Variants in ZNF644 observed in about 807,000 individuals in gnomAD.
The protein encoded by ZNF644 is zinc finger motif enhancer binding protein 2.
ZNF644 carries 20 observed loss-of-function variants against 108.0 expected under a neutral mutation model. That is an observed-to-expected ratio of 0.19 (90% CI 0.13 to 0.27). ZNF644 has a LOEUF of 0.27. ZNF644 is among the 10% of genes least tolerant of loss of function. The pLI, the probability that ZNF644 is intolerant of heterozygous loss-of-function variation, is 1.00. For missense variants in ZNF644, 1,338 were observed against 1,548.9 expected (o/e 0.86, Z 2.29); for synonymous variants, 542 against 539.1 (o/e 1.01, Z -0.08).
At chr1:90,935,409 T>C in intron 4 of ZNF644, 1 of 985,902 alleles carries the variant, frequency 1.0e-6, no homozygotes, top group Non-Finnish European at 1.2e-6. Context: ...CAAACATACC[T>C]GTACCAGTCA....
chr1:90,981,387 A>G lies in ZNF644; in HGVS notation c.44+923T>C, dbSNP rs1281395762. Among the ~76,000 whole-genome samples, 3 of 152,084 alleles carry G rather than the reference A, an allele frequency of 2.0e-5. No homozygotes were observed. In the South Asian group the frequency reaches 6.2e-4, roughly 31 times the overall value. On this transcript the variant is annotated intron_variant, in intron 2 of 5. Coordinates refer to ENST00000337393, the MANE Select transcript of ZNF644 (RefSeq NM_201269.3). ...GTTATTATTATATAATAGCAATAAA[A>G]GCAAAATTTTGCTTCAAAACATGCC...
chr1:90,954,979 T>A (rs1653601000), intron 2 of ZNF644, among the ~76,000 whole-genome samples: 1 of 152,232 alleles, frequency 6.6e-6, no homozygotes, highest in Admixed American at 6.5e-5. Flanking sequence ...TGTAGCCTTA[T>A]GAAATGTACT....
chr1:90,970,191 A>T (rs537939179), intron 2 of ZNF644, among the ~76,000 whole-genome samples: 8 of 152,368 alleles, frequency 5.3e-5, no homozygotes, highest in African/African-American at 1.7e-4. Flanking sequence ...AATTTCCTTA[A>T]GTAAACAACT....
rs148307829 is a variant in ZNF644, at chr1:90,940,814, A to G, written c.540T>C (p.Asp180=). The change falls in exon 3 of 6, where the codon GAT becomes GAC. Residue 180 remains aspartate, a synonymous_variant. Coordinates refer to ENST00000337393, the MANE Select transcript of ZNF644 (RefSeq NM_201269.3). ...GGGTGGGATTCTTAGCATGTGCTACATCTGATAACAAAAATAAAACTTGGT... is the reference window on the plus strand; with the variant it reads ...GGGTGGGATTCTTAGCATGTGCTACGTCTGATAACAAAAATAAAACTTGGT... ...SQHQVLFLLS[D]VAHAKNPTHS... 3.5e-5 allele frequency: 57 copies of G among 1,613,916 alleles called. No homozygotes were observed. In the African/African-American group the frequency reaches 7.1e-4, roughly 20 times the overall value.
At chr1:90,993,235 CTCATCTGCT>C (rs1322384178) in intron 1 of ZNF644, among the ~76,000 whole-genome samples, 3 of 151,896 alleles carry the variant, frequency 2.0e-5, no homozygotes, top group Non-Finnish European at 4.4e-5. Flanking sequence ...CAAGCCAACT[CTCATCTGCT>C]TCAGAATGGG....
chr1:90,994,812 A>G (rs963257892), intron 1 of ZNF644, among the ~76,000 whole-genome samples: 1 of 152,218 alleles, frequency 6.6e-6, no homozygotes, highest in South Asian at 2.1e-4. Flanking sequence ...TCTCTGGGTA[A>G]CAACCAACTT....
chr1:91,017,447 C>A (rs1031971014), intron 1 of ZNF644, among the ~76,000 whole-genome samples: 2 of 152,298 alleles, frequency 1.3e-5, no homozygotes, highest in East Asian at 3.9e-4. Context: ...TTTCTCCCAA[C>A]CAAGAGAAGT....
intron 1 of ZNF644, among the ~76,000 whole-genome samples, chr1:91,016,007 C>T (rs1236669544): frequency 1.3e-5 from 2 of 152,170 alleles, no homozygotes; most frequent in Non-Finnish European, 2.9e-5. Context: ...GCTCACACAG[C>T]TAAATCTGAA....
intron 1 of ZNF644, among the ~76,000 whole-genome samples, chr1:90,982,922 G>A (rs1229458135): frequency 2.0e-5 from 3 of 151,908 alleles, no homozygotes; most frequent in Non-Finnish European, 4.4e-5. Flanking sequence ...AGAATAGAAT[G>A]TATCAATACT....
intron 2 of ZNF644, among the ~76,000 whole-genome samples, chr1:90,971,293 T>A (rs374694660): frequency 9.6e-5 from 14 of 145,814 alleles, no homozygotes; most frequent in East Asian, 6.0e-4. Flanking sequence ...CCCATGACCA[T>A]CACAATTGAT....
chr1:90,981,362 GTTATTA>G (rs1008749695), intron 2 of ZNF644, among the ~76,000 whole-genome samples: 1 of 151,988 alleles, frequency 6.6e-6, no homozygotes, highest in African/African-American at 2.4e-5. Flanking sequence ...TACCACTACT[GTTATTA>G]TTATATAATA....
chr1:90,937,382 C>G, intron 4 of ZNF644, 103 bp downstream of exon 4: 2 of 1,499,188 alleles, frequency 1.3e-6, no homozygotes, highest in Non-Finnish European at 1.8e-6. Flanking sequence ...GCAGCTTAAA[C>G]AGGAAGATTG....
chr1:90,930,272 G>A (rs1650582256), intron 4 of ZNF644, among the ~76,000 whole-genome samples: 1 of 152,164 alleles, frequency 6.6e-6, no homozygotes, highest in Admixed American at 6.5e-5. Context: ...GGCAACTAGA[G>A]TGAAACTCCG....
At chr1:90,935,297 G>A in intron 4 of ZNF644, 5 of 882,124 alleles carry the variant, frequency 5.7e-6, no homozygotes, top group Non-Finnish European at 6.8e-6. Context: ...AGACTCAAAT[G>A]CAGCTTACCA....
In ZNF644 at chr1:90,915,747, T is replaced by C. The variant is rs562432922; in HGVS notation, c.*1051A>G. ...ATATAATCACATCCAAAACAAGTTC[T>C]AAAATTTAAATTGTAAACATTCTCA... On this transcript the variant is annotated 3_prime_UTR_variant, in exon 6 of 6. Coordinates refer to ENST00000337393, the MANE Select transcript of ZNF644 (RefSeq NM_201269.3). 1 of 152,738 alleles carries C rather than the reference T, an allele frequency of 6.5e-6. No individual in the cohort carries two copies. The highest frequency in any genetic ancestry group is 1.9e-4 in the East Asian group (1 of 5,194). 9.5% of individuals were successfully genotyped at this position (152,738 alleles called of 1,614,324 possible). A position where few individuals can be genotyped will look rare whatever the true frequency, so the allele number is the denominator to read the frequency against.
At chr1:90,953,373 G>A (rs1653400010) in intron 2 of ZNF644, among the ~76,000 whole-genome samples, 1 of 151,598 alleles carries the variant, frequency 6.6e-6, no homozygotes, top group African/African-American at 2.4e-5. Flanking sequence ...AACACACTGG[G>A]GCCTATGGGG....
chr1:90,921,671 A>G (rs1649451325), intron 4 of ZNF644, among the ~76,000 whole-genome samples: 3 of 152,038 alleles, frequency 2.0e-5, no homozygotes. Flanking sequence ...CTGATTTATA[A>G]AAGATCTAAA....
chr1:90,965,756 C>T (rs79562871), intron 2 of ZNF644, among the ~76,000 whole-genome samples: 1,917 of 152,180 alleles, frequency 0.013, 39 homozygotes, highest in African/African-American at 0.044. Flanking sequence ...CACTAACTCT[C>T]TCTTTTTTTT....
At chr1:90,921,266 A>G (rs188273722) in intron 4 of ZNF644, among the ~76,000 whole-genome samples, 2 of 152,252 alleles carry the variant, frequency 1.3e-5, no homozygotes, top group African/African-American at 4.8e-5. Context: ...CAGTTTTAAT[A>G]TAATGCAGCT....
Sources: allele counts gnomAD v4.1 joint callset (sites outside exome capture counted in the v4.1 genomes callset), GRCh38; gene constraint gnomAD v4.1.1; transcripts MANE v1.5; gene names NCBI Gene and HGNC (gene_info 2026-07-23, HGNC 2026-07-21).